TSPAN14: variants seen among roughly 807,000 people sequenced by gnomAD.
TSPAN14 encodes the protein tetraspanin-14.
A neutral mutation model predicts 36.6 loss-of-function variants in TSPAN14; 16 were observed. The observed-to-expected ratio is 0.44, with a 90% CI of 0.30 to 0.66. The LOEUF is 0.66. TSPAN14 is among the 30% of genes least tolerant of loss of function. The pLI is 0.12. For missense variants in TSPAN14, 231 were observed against 355.1 expected, an observed-to-expected ratio of 0.65 and a Z score of 2.81; for synonymous variants, 139 against 143.8, an observed-to-expected ratio of 0.97 and a Z score of 0.24.
chr10:80,490,531 G>A (rs1847870291), intron 2 of TSPAN14, among the ~76,000 whole-genome samples: 1 of 152,194 alleles, frequency 6.6e-6, no homozygotes, highest in African/African-American at 2.4e-5. Flanking sequence ...ATGGTGCAGG[G>A]AGGTGAAGAA....
At chr10:80,468,335 A>G (rs1215130173) in intron 1 of TSPAN14, among the ~76,000 whole-genome samples, 1 of 152,184 alleles carries the variant, frequency 6.6e-6, no homozygotes, top group African/African-American at 2.4e-5. Flanking sequence ...GCAGGTCTCT[A>G]TCATTTGGTT....
intron 2 of TSPAN14, among the ~76,000 whole-genome samples, chr10:80,500,116 A>G (rs372518333): frequency 2.6e-5 from 4 of 152,218 alleles, no homozygotes; most frequent in African/African-American, 9.6e-5. Context: ...GCTCTCAGGC[A>G]GATCACTTCC....
intron 1 of TSPAN14, among the ~76,000 whole-genome samples, chr10:80,474,384 G>T (rs1184676834): frequency 6.6e-6 from 1 of 151,884 alleles, no homozygotes; most frequent in East Asian, 1.9e-4. Flanking sequence ...GGGGTTGAAG[G>T]TAGAGAGCCA....
chr10:80,470,098 CT>C lies in TSPAN14; in HGVS notation c.-18+15732del, dbSNP rs148699354. ...TTTAAAGCATTTGTAATTTTTTTTT[CT>C]TTTTGAGACAGAGTCTTGCTCTGTT... On this transcript the variant is annotated intron_variant, in intron 1 of 8. Transcript: ENST00000429989. Among the ~76,000 whole-genome samples the C allele has an allele frequency of 2.8e-3, 418 of 150,948 alleles. 1 individual carries two copies. The highest frequency in any genetic ancestry group is 4.5e-3 in the Admixed American group (68 of 15,248).
At chr10:80,484,119 C>A (rs1247220871) in intron 1 of TSPAN14, among the ~76,000 whole-genome samples, 3 of 150,968 alleles carry the variant, frequency 2.0e-5, no homozygotes, top group African/African-American at 7.3e-5. Context: ...GTGGCATGCA[C>A]CTGTGGTCCC....
At chr10:80,491,675 G>A (rs928982065) in intron 2 of TSPAN14, among the ~76,000 whole-genome samples, 6 of 152,232 alleles carry the variant, frequency 3.9e-5, no homozygotes. Context: ...TGGAGTGCAT[G>A]AATCCAGCAT....
chr10:80,502,089 G>A (rs150299422), intron 2 of TSPAN14, among the ~76,000 whole-genome samples: 86 of 152,334 alleles, frequency 5.6e-4, no homozygotes, highest in Middle Eastern at 3.4e-3. Context: ...GGCCTTGAAC[G>A]CAGTGAGGGA....
At position 80,509,278 on chromosome 10, in the gene TSPAN14, G is replaced by C. The variant is rs751640469; in HGVS notation, c.280-23G>C. 3 of 1,608,090 alleles carry C rather than the reference G, an allele frequency of 1.9e-6. No homozygotes were observed. Among genetic ancestry groups the C allele is most frequent in the African/African-American group, 2.7e-5 (2 of 74,850 alleles). The stretch of plus-strand genomic sequence containing the variant: ...GCAGGCTGGTGGGGTGGTGACTTCT[G>C]CTCCCGTCCCCTTCCCCTGCAGTTC... On this transcript the variant is annotated intron_variant, in intron 4 of 8. Coordinates refer to ENST00000429989, the Ensembl canonical transcript of TSPAN14. This position sits in a 1 kb window ranked among gnomAD's most constrained non-coding sequence, Gnocchi z 4.7.
Position 80,509,315 on chromosome 10 carries a change from C to G in TSPAN14, c.294C>G (p.Ile98Met), listed in dbSNP as rs745396195. Residue 98 changes from isoleucine (I) to methionine (M), a missense_variant, in exon 5 of 9, where the codon ATC (isoleucine) becomes ATG (methionine). Physicochemically the swap from Ile to Met is conservative, Grantham distance 10. Transcript: ENST00000429989. The surrounding 1 kb of genome is among the most constrained non-coding windows in gnomAD (Gnocchi z 4.7). ...TTCCCCTGCAGTTCTGTGGCACCAT[C>G]GTGCTCATCTTCTTCCTGGAGCTGG... is the stretch of plus-strand genomic sequence containing the variant. The G allele has an allele frequency of 6.2e-7, 1 of 1,613,668 alleles. No homozygotes were observed. The highest frequency in any genetic ancestry group is 8.5e-7 in the Non-Finnish European group (1 of 1,179,938).
intron 1 of TSPAN14, among the ~76,000 whole-genome samples, chr10:80,461,940 G>C (rs896891648): frequency 6.6e-6 from 1 of 151,198 alleles, no homozygotes; most frequent in South Asian, 2.1e-4. Context: ...TTCAGACAGG[G>C]TCTCACTCTG....
At chr10:80,510,457 G>A (rs1447544329) in intron 5 of TSPAN14, among the ~76,000 whole-genome samples, 1 of 152,160 alleles carries the variant, frequency 6.6e-6, no homozygotes, top group Non-Finnish European at 1.5e-5. Flanking sequence ...TCTGTTCAGT[G>A]CCACCGTCCT....
At chr10:80,484,374 G>C (rs1002010081) in intron 1 of TSPAN14, among the ~76,000 whole-genome samples, 1 of 151,670 alleles carries the variant, frequency 6.6e-6, no homozygotes, top group African/African-American at 2.4e-5. Context: ...ACCCAGACTG[G>C]AGTGCAGTGG....
chr10:80,492,893 G>A (rs1847998145), intron 2 of TSPAN14, among the ~76,000 whole-genome samples: 1 of 151,900 alleles, frequency 6.6e-6, no homozygotes. Flanking sequence ...ATTTTTTTAA[G>A]CTCTCTTTCT....
chr10:80,487,601 C>A (rs1847683444), intron 1 of TSPAN14, among the ~76,000 whole-genome samples: 1 of 152,170 alleles, frequency 6.6e-6, no homozygotes, highest in Admixed American at 6.5e-5. Context: ...TTTCTCCCTG[C>A]AGCCGCTCTG....
intron 5 of TSPAN14, among the ~76,000 whole-genome samples, chr10:80,511,631 G>A (rs1840623376): frequency 6.6e-6 from 1 of 151,896 alleles, no homozygotes; most frequent in Admixed American, 6.6e-5. Flanking sequence ...GTTGGACAGA[G>A]GAGGCACCGT....
intron 1 of TSPAN14, among the ~76,000 whole-genome samples, chr10:80,460,414 T>G (rs1196078308): frequency 6.6e-6 from 1 of 152,162 alleles, no homozygotes; most frequent in Admixed American, 6.5e-5. Context: ...TTAGAGAGAA[T>G]GGAGTTAGGA....
exon 9 of TSPAN14, chr10:80,518,099 T>C: frequency 9.6e-7 from 1 of 1,037,396 alleles, no homozygotes; most frequent in East Asian, 2.6e-5. Context: ...ATCTTAAGCA[T>C]CAGCGTGACG....
chr10:80,494,749 G>T (rs2132023414), intron 2 of TSPAN14, among the ~76,000 whole-genome samples: 1 of 152,336 alleles, frequency 6.6e-6, no homozygotes, highest in Admixed American at 6.5e-5. Flanking sequence ...CAGTAATGCA[G>T]TCAAAAGGGA....
rs1414078149 is a variant in TSPAN14 at position 80,482,347 on chromosome 10, C to T, written c.-17-6870C>T. ...TGTGGCTCAGGCTGGAGTGCACTGG[C>T]GCAATCTCAGCTCACTGCAACCTCT... On this transcript the variant is annotated intron_variant, in intron 1 of 8. Transcript: ENST00000429989. Among the ~76,000 whole-genome samples, 5 of 152,134 alleles carry T rather than the reference C, an allele frequency of 3.3e-5. No homozygotes were observed. The East Asian group carries it at 5.8e-4, about 18-fold the overall frequency.
Sources: allele counts gnomAD v4.1 joint callset (sites outside exome capture counted in the v4.1 genomes callset), GRCh38; gene constraint gnomAD v4.1.1; non-coding constraint Gnocchi (gnomAD v3.1); transcripts MANE v1.5; gene names NCBI Gene and HGNC (gene_info 2026-07-23, HGNC 2026-07-21).